Variants in JHY observed in about 807,000 individuals in gnomAD.
JHY encodes jhy protein homolog.
Under a neutral mutation model 78.0 loss-of-function variants are expected in JHY, and 69 were observed. That is an observed-to-expected ratio of 0.88 (90% CI 0.73 to 1.08). JHY has a LOEUF of 1.08. Ranked by LOEUF, JHY falls within the 50% of genes least tolerant of loss-of-function variation. The pLI is 0.00. For synonymous variants in JHY, 368 were observed against 342.6 expected, an observed-to-expected ratio of 1.07 and a Z score of -0.82; for missense variants, 944 against 927.8, an observed-to-expected ratio of 1.02 and a Z score of -0.23.
intron 3 of JHY, among the ~76,000 whole-genome samples, chr11:122,913,382 G>C (rs1315648487): frequency 6.6e-6 from 1 of 152,202 alleles, no homozygotes; most frequent in Non-Finnish European, 1.5e-5. Context: ...CAATTTCATA[G>C]GGTAATTCTT....
rs780495678 is a variant in JHY at position 122,934,540 on chromosome 11, C to T, written c.1099C>T (p.Arg367Ter). The change falls in exon 5 of 9, where the codon CGA (arginine) becomes TGA (stop). Residue 367 changes from arginine (R) to a stop codon, truncating the protein, a stop_gained. Coordinates refer to ENST00000227349, the MANE Select transcript of JHY (RefSeq NM_024806.4). LOFTEE classifies it high-confidence loss of function. ...PSRRPAKLKIRKQCKHQNGLK... is the reference protein window; with the variant it reads ...PSRRPAKLKI ...CAGAAGACCAGCCAAGCTCAAGATT[C>T]GAAAGCAGTGTAAACACCAGAATGG... 6.8e-6 allele frequency: 11 copies of T among 1,613,888 alleles called. No homozygotes were observed. Among genetic ancestry groups the T allele is most frequent in the Non-Finnish European group, 9.3e-6 (11 of 1,180,022 alleles).
intron 3 of JHY, among the ~76,000 whole-genome samples, chr11:122,907,267 G>A (rs778187673): frequency 2.6e-4 from 39 of 150,886 alleles, no homozygotes; most frequent in East Asian, 7.8e-4. Context: ...TTTTTGAACC[G>A]TTATTCATAT....
In JHY at chr11:122,961,153, G is replaced by A; in HGVS notation, c.*1708G>A. 1 of 638,848 alleles carries A rather than the reference G, an allele frequency of 1.6e-6. No individual in the cohort carries two copies. The highest frequency in any genetic ancestry group is 1.8e-5 in the South Asian group (1 of 56,588). 39.6% of individuals were successfully genotyped at this position (638,848 alleles called of 1,614,324 possible). ...TGACTAAATGGAAACTAGGCTATGT[G>A]GCAAAATCTTTCTGTATTGCCCTCT... On this transcript the variant is annotated 3_prime_UTR_variant, in exon 9 of 9. Transcript: ENST00000227349.
chr11:122,948,462 A>ATAATC (rs1207755374), intron 6 of JHY, among the ~76,000 whole-genome samples: 1 of 145,712 alleles, frequency 6.9e-6, no homozygotes, highest in Non-Finnish European at 1.5e-5. Flanking sequence ...TAATAATAAT[A>ATAATC]ATAATAATAA....
In JHY at chr11:122,959,254, G is replaced by A. The variant is rs1378716433; in HGVS notation, c.2146G>A (p.Glu716Lys). Residue 716 changes from glutamate to lysine, a missense_variant, in exon 9 of 9, where the codon GAA becomes AAA. By Grantham distance (56) the Glu-to-Lys change is moderately conservative. Coordinates refer to ENST00000227349, the MANE Select transcript of JHY (RefSeq NM_024806.4). ...KSAIPRQKAL[E>K]YAKTIPKPKP... is the part of the protein sequence containing the mutation. ...TTCATCTTTATGCGTTTAGGCTTTGGAATACGCTAAGACCATCCCCAAACC... is the reference window on the plus strand; with the variant it reads ...TTCATCTTTATGCGTTTAGGCTTTGAAATACGCTAAGACCATCCCCAAACC... The A allele has an allele frequency of 6.2e-7, 1 of 1,613,448 alleles. No homozygotes were observed. Among genetic ancestry groups the A allele is most frequent in the Non-Finnish European group, 8.5e-7 (1 of 1,179,838 alleles).
At chr11:122,907,042 G>T (rs957606505) in intron 3 of JHY, among the ~76,000 whole-genome samples, 1 of 151,936 alleles carries the variant, frequency 6.6e-6, no homozygotes, top group Non-Finnish European at 1.5e-5. Flanking sequence ...TAGTTGCTAT[G>T]CAGGATTCGA....
At chr11:122,911,648 A>G (rs1328242434) in intron 3 of JHY, among the ~76,000 whole-genome samples, 1 of 151,918 alleles carries the variant, frequency 6.6e-6, no homozygotes, top group African/African-American at 2.4e-5. Context: ...GCTCACTCCT[A>G]TAACCCTAGC....
chr11:122,903,624 A>G (rs1005843742), intron 2 of JHY, among the ~76,000 whole-genome samples: 1 of 152,078 alleles, frequency 6.6e-6, no homozygotes, highest in Non-Finnish European at 1.5e-5. Flanking sequence ...GACTACAGGT[A>G]CGACACCATA....
At chr11:122,925,050 T>C (rs1244737351) in intron 4 of JHY, 40 bp downstream of exon 4, 7 of 1,394,960 alleles carry the variant, frequency 5.0e-6, no homozygotes, top group South Asian at 1.2e-5. Flanking sequence ...TTTCAAGCGA[T>C]ACTGCTGAAT....
chr11:122,920,876 A>G (rs1863348973), intron 3 of JHY, among the ~76,000 whole-genome samples: 1 of 152,220 alleles, frequency 6.6e-6, no homozygotes, highest in Admixed American at 6.5e-5. Flanking sequence ...AGTCTGGGAT[A>G]ATGACAAGCC....
intron 2 of JHY, among the ~76,000 whole-genome samples, chr11:122,903,512 G>A (rs936982151): frequency 1.3e-5 from 2 of 152,078 alleles, no homozygotes; most frequent in African/African-American, 4.8e-5. Flanking sequence ...AAGGTCTCAC[G>A]CTGTCTCCCA....
chr11:122,951,634 G>A (rs7129537), intron 6 of JHY, among the ~76,000 whole-genome samples: 5,244 of 152,242 alleles, frequency 0.034, 203 homozygotes, highest in African/African-American at 0.09. Flanking sequence ...AGTTGAAACA[G>A]GTCCTCACTG....
At chr11:122,918,663 A>G (rs1003727189) in intron 3 of JHY, among the ~76,000 whole-genome samples, 3 of 151,458 alleles carry the variant, frequency 2.0e-5, no homozygotes, top group African/African-American at 7.4e-5. Flanking sequence ...TAAACCACAC[A>G]TCTAACCAGA....
chr11:122,894,376 C>G (rs1015266091), intron 2 of JHY, among the ~76,000 whole-genome samples: 8 of 152,030 alleles, frequency 5.3e-5, no homozygotes, highest in Admixed American at 3.3e-4. Flanking sequence ...AGAAGAAACT[C>G]TACCTAAAGA....
chr11:122,908,893 GGAAATCCTA>G (rs918708818), intron 3 of JHY, among the ~76,000 whole-genome samples: 9 of 151,942 alleles, frequency 5.9e-5, no homozygotes, highest in African/African-American at 2.2e-4. Flanking sequence ...AGAGATTTCA[GGAAATCCTA>G]GAAATCAGTA....
rs1002492873 is a variant in JHY, at chr11:122,917,214, G to A, written c.865-7683G>A. On this transcript the variant is annotated intron_variant, in intron 3 of 8. Coordinates refer to ENST00000227349, the MANE Select transcript of JHY (RefSeq NM_024806.4). The surrounding 1 kb of genome is among the most constrained non-coding windows in gnomAD (Gnocchi z 4.1). The stretch of plus-strand genomic sequence containing the variant: ...CAACAAGTGGAAGTAGAAGTACCAA[G>A]GTGTACTAGAGAGAGCCTAGCAGCC... Among the ~76,000 whole-genome samples the A allele has an allele frequency of 3.3e-5, 5 of 152,158 alleles. No homozygotes were observed. Among genetic ancestry groups the A allele is most frequent in the Non-Finnish European group, 7.3e-5 (5 of 68,038 alleles).
chr11:122,933,349 A>C lies in JHY; in HGVS notation c.979-1071A>C, dbSNP rs140251731. Among the ~76,000 whole-genome samples the C allele has an allele frequency of 3.8e-3, 572 of 152,380 alleles. 2 individuals are homozygous for C. The highest frequency in any genetic ancestry group is 0.012 in the African/African-American group (503 of 41,598). ...TTGCAGTTATATAACACACTGATGC[A>C]TATGGTCATCCTACTGTTTTCAATA... On this transcript the variant is annotated intron_variant, in intron 4 of 8. Transcript: ENST00000227349.
intron 3 of JHY, among the ~76,000 whole-genome samples, chr11:122,921,782 G>C (rs554798069): frequency 1.5e-4 from 23 of 152,260 alleles, no homozygotes; most frequent in Admixed American, 1.2e-3. Context: ...CCATTAGTCT[G>C]AGACCAACCT....
intron 2 of JHY, among the ~76,000 whole-genome samples, chr11:122,894,467 G>C (rs561594242): frequency 2.0e-5 from 3 of 152,180 alleles, no homozygotes; most frequent in South Asian, 2.1e-4. Flanking sequence ...AAAAACACTC[G>C]AGCCTTCCTT....
Sources: allele counts gnomAD v4.1 joint callset (sites outside exome capture counted in the v4.1 genomes callset), GRCh38; gene constraint gnomAD v4.1.1; non-coding constraint Gnocchi (gnomAD v3.1); transcripts MANE v1.5; gene names NCBI Gene and HGNC (gene_info 2026-07-23, HGNC 2026-07-21).